Variants in DIAPH3 observed in about 807,000 individuals in gnomAD.
The protein encoded by DIAPH3 is diaphanous related formin 3.
Under a neutral mutation model 144.3 loss-of-function variants are expected in DIAPH3, and 117 were observed. The ratio of observed to expected loss-of-function variants is 0.81; its 90% CI spans 0.70 to 0.95. The LOEUF (loss-of-function observed/expected upper bound fraction) is 0.95, where lower values mean the gene tolerates loss of function less well. DIAPH3 is among the 40% of genes least tolerant of loss of function. DIAPH3 has a pLI of 0.00. For synonymous variants in DIAPH3, 519 were observed against 488.9 expected, an observed-to-expected ratio of 1.06 and a Z score of -0.81; for missense variants, 1,421 against 1,412.7, an observed-to-expected ratio of 1.01 and a Z score of -0.09.
chr13:59,675,150 T>C (rs765921438), intron 27 of DIAPH3, among the ~76,000 whole-genome samples: 2 of 152,166 alleles, frequency 1.3e-5, no homozygotes, highest in Non-Finnish European at 2.9e-5. Context: ...ATTGTAGCCT[T>C]GAACTCCTGG....
chr13:59,959,989 G>T (rs755899714), intron 17 of DIAPH3, among the ~76,000 whole-genome samples: 56 of 152,218 alleles, frequency 3.7e-4, no homozygotes, highest in Non-Finnish European at 6.6e-4. Flanking sequence ...CCAATTCTAG[G>T]ACCACCAACC....
At chr13:60,006,127 C>G (rs946705164) in intron 9 of DIAPH3, among the ~76,000 whole-genome samples, 5 of 152,268 alleles carry the variant, frequency 3.3e-5, no homozygotes, top group Admixed American at 6.5e-5. Context: ...CCTTCAAGTT[C>G]ATACTCATCA....
chr13:60,054,362 TACAGAAA>T (rs1452869284), intron 4 of DIAPH3, among the ~76,000 whole-genome samples: 1 of 152,046 alleles, frequency 6.6e-6, no homozygotes, highest in East Asian at 1.9e-4. Context: ...GCAAGTAAAT[TACAGAAA>T]ACAGAAAACT....
intron 17 of DIAPH3, among the ~76,000 whole-genome samples, chr13:59,954,679 T>G (rs572062228): frequency 3.5e-4 from 54 of 152,250 alleles, no homozygotes; most frequent in African/African-American, 1.3e-3. Flanking sequence ...TGACTCATAG[T>G]TCCATAGGCT....
intron 17 of DIAPH3, among the ~76,000 whole-genome samples, chr13:59,959,141 G>A (rs552215918): frequency 1.3e-5 from 2 of 152,216 alleles, no homozygotes; most frequent in East Asian, 1.9e-4. Flanking sequence ...CTCACAAAGT[G>A]CGGAGATTAC....
intron 25 of DIAPH3, among the ~76,000 whole-genome samples, chr13:59,775,226 A>G (rs1271998916): frequency 6.6e-6 from 1 of 151,828 alleles, no homozygotes; most frequent in African/African-American, 2.4e-5. Flanking sequence ...GGTATGGGAG[A>G]GAGTAGTTTT....
At chr13:60,011,985 T>C (rs2053301381) in intron 7 of DIAPH3, among the ~76,000 whole-genome samples, 1 of 152,116 alleles carries the variant, frequency 6.6e-6, no homozygotes. Context: ...TTATCTAGCA[T>C]GCATCTCAGA....
chr13:60,020,883 G>T (rs2053970088), intron 5 of DIAPH3: 1 of 152,242 alleles, frequency 6.6e-6, no homozygotes, highest in Admixed American at 6.5e-5. Flanking sequence ...GAACTTCAAA[G>T]CATCTGCTGT....
intron 23 of DIAPH3, chr13:59,837,582 T>A (rs1206807950): frequency 2.0e-5 from 3 of 153,706 alleles, no homozygotes; most frequent in African/African-American, 7.2e-5. Context: ...AATAAGTAGT[T>A]CAATTAACAG....
chr13:59,976,620 T>C (rs1159424136), intron 14 of DIAPH3, among the ~76,000 whole-genome samples: 5 of 151,836 alleles, frequency 3.3e-5, no homozygotes, highest in African/African-American at 1.2e-4. Context: ...CTGCTACTCC[T>C]TGAGTGCTCC....
At chr13:60,003,120 T>A (rs1322880055) in intron 9 of DIAPH3, among the ~76,000 whole-genome samples, 1 of 152,154 alleles carries the variant, frequency 6.6e-6, no homozygotes, top group Non-Finnish European at 1.5e-5. Flanking sequence ...GGCAGAAGGC[T>A]GTCTGTCCCT....
intron 1 of DIAPH3, among the ~76,000 whole-genome samples, chr13:60,158,676 G>T (rs1273445984): frequency 1.3e-5 from 2 of 152,036 alleles, no homozygotes; most frequent in Non-Finnish European, 2.9e-5. Context: ...ATCTGGACTG[G>T]CTGGGAAGCT....
At chr13:59,893,575 A>G (rs2045929933) in intron 20 of DIAPH3, among the ~76,000 whole-genome samples, 1 of 152,074 alleles carries the variant, frequency 6.6e-6, no homozygotes, top group African/African-American at 2.4e-5. Flanking sequence ...TAATGGTTTT[A>G]TATCTATCTT....
intron 1 of DIAPH3, among the ~76,000 whole-genome samples, chr13:60,149,135 C>T (rs1164965652): frequency 6.6e-6 from 1 of 152,182 alleles, no homozygotes; most frequent in East Asian, 1.9e-4. Flanking sequence ...CAATGGTAAA[C>T]ATTTCAGCAC....
chr13:60,076,142 C>A (rs2057372305), intron 4 of DIAPH3, among the ~76,000 whole-genome samples: 1 of 152,190 alleles, frequency 6.6e-6, no homozygotes, highest in Non-Finnish European at 1.5e-5. Context: ...ACCAAAGCAG[C>A]TCGAATAGCC....
At chr13:59,787,569 T>C (rs1020530722) in intron 25 of DIAPH3, among the ~76,000 whole-genome samples, 2 of 151,218 alleles carry the variant, frequency 1.3e-5, no homozygotes, top group Non-Finnish European at 3.0e-5. Context: ...TAATAAAAAA[T>C]CAAATAATAA....
At chr13:60,050,454 A>C (rs2056283484) in intron 4 of DIAPH3, among the ~76,000 whole-genome samples, 1 of 152,152 alleles carries the variant, frequency 6.6e-6, no homozygotes, top group South Asian at 2.1e-4. Flanking sequence ...CTACAGCCTG[A>C]GTGTCAAATG....
At chr13:59,983,501 AGAT>A (rs1382253401) in intron 13 of DIAPH3, among the ~76,000 whole-genome samples, 1 of 151,682 alleles carries the variant, frequency 6.6e-6, no homozygotes, top group Admixed American at 6.6e-5. Flanking sequence ...TTGACAGTAA[AGAT>A]GATAATGACT....
intron 20 of DIAPH3, among the ~76,000 whole-genome samples, chr13:59,886,249 G>A (rs2045441200): frequency 1.3e-5 from 2 of 152,020 alleles, no homozygotes; most frequent in African/African-American, 2.4e-5. Flanking sequence ...TAGTCCCTAA[G>A]ATGTATAGAC....
Sources: allele counts gnomAD v4.1 joint callset (sites outside exome capture counted in the v4.1 genomes callset), GRCh38; gene constraint gnomAD v4.1.1; transcripts MANE v1.5; gene names NCBI Gene and HGNC (gene_info 2026-07-23, HGNC 2026-07-21).